The following PSMB1 variants were observed in gnomAD, a reference collection of about 807,000 sequenced individuals.
PSMB1 encodes proteasome 20S subunit beta 1, also known as proteasome subunit beta type-1.
Under a neutral mutation model 25.4 loss-of-function variants are expected in PSMB1, and 7 were observed. The ratio of observed to expected loss-of-function variants is 0.28; its 90% CI spans 0.16 to 0.52. The LOEUF (loss-of-function observed/expected upper bound fraction) is 0.52. Ranked by LOEUF, PSMB1 falls within the 20% of genes least tolerant of loss-of-function variation. PSMB1 has a pLI of 0.97. For missense variants in PSMB1, 284 were observed against 302.2 expected (o/e 0.94, Z 0.45); for synonymous variants, 119 against 115.0 (o/e 1.03, Z -0.22).
At chr6:170,548,976 T>C (rs368712794) in intron 2 of PSMB1, 30 bp downstream of exon 2, 9 of 1,460,344 alleles carry the variant, frequency 6.2e-6, no homozygotes, top group African/African-American at 1.4e-5. Context: ...ACAAAGGCAT[T>C]GTGAAATGTC....
intron 4 of PSMB1, among the ~76,000 whole-genome samples, chr6:170,537,829 A>T (rs1332427325): frequency 2.6e-5 from 4 of 152,294 alleles, no homozygotes; most frequent in Admixed American, 6.5e-5. Flanking sequence ...AGAGATGGTG[A>T]GGTTTCTGTA....
rs1378150703 is a variant in PSMB1, at chr6:170,543,569, C to T, written c.433+32G>A. The T allele has an allele frequency of 1.9e-6, 3 of 1,572,248 alleles. No individual in the cohort carries two copies. The African/African-American group carries it at 4.1e-5, about 21-fold the overall frequency. On this transcript the variant is annotated intron_variant, in intron 4 of 5. Transcript: ENST00000262193. ...CATCTAGGGAATAATAACTCCTCCC[C>T]CCCACCATTTTCCAGAAAGAAGGAA...
chr6:170,536,884 A>G (rs145094543), intron 5 of PSMB1, among the ~76,000 whole-genome samples: 379 of 152,312 alleles, frequency 2.5e-3, no homozygotes, highest in Admixed American at 5.1e-3. Flanking sequence ...AGTATTGGGT[A>G]ACACAGAAAG....
chr6:170,549,293 A>G (rs1437504607), intron 1 of PSMB1, 180 bp from the exon 2 acceptor site: 6 of 468,004 alleles, frequency 1.3e-5, no homozygotes, highest in South Asian at 7.2e-5. Flanking sequence ...GTTGTCTGGG[A>G]AAAAAAAATT....
At chr6:170,542,900 T>A (rs554914253) in intron 4 of PSMB1, among the ~76,000 whole-genome samples, 1 of 152,226 alleles carries the variant, frequency 6.6e-6, no homozygotes, top group Non-Finnish European at 1.5e-5. Context: ...CTTATCCATC[T>A]GTGTCAATGG....
At chr6:170,541,418 TG>T (rs1778757759) in intron 4 of PSMB1, among the ~76,000 whole-genome samples, 1 of 152,180 alleles carries the variant, frequency 6.6e-6, no homozygotes, top group Non-Finnish European at 1.5e-5. Flanking sequence ...TAAAGGTCTA[TG>T]TTACCAAAAG....
Position 170,543,565 on chromosome 6 carries a change from TC to T in PSMB1, c.433+35del, listed in dbSNP as rs60508978. 0.012 allele frequency: 19,043 copies of T among 1,561,596 alleles called. 1,654 individuals are homozygous for T. In the African/African-American group the frequency reaches 0.21, roughly 17 times the overall value. ...CACACATCTAGGGAATAATAACTCCTCCCCCCCACCATTTTCCAGAAAGAAG... is the reference window on the plus strand; with the variant it reads ...CACACATCTAGGGAATAATAACTCCTCCCCCCACCATTTTCCAGAAAGAAG... On this transcript the variant is annotated intron_variant, in intron 4 of 5. Coordinates refer to ENST00000262193, the MANE Select transcript of PSMB1 (RefSeq NM_002793.4).
At chr6:170,545,397 T>A (rs988567209) in intron 3 of PSMB1, among the ~76,000 whole-genome samples, 3 of 152,166 alleles carry the variant, frequency 2.0e-5, no homozygotes, top group African/African-American at 7.2e-5. Flanking sequence ...TCAATGTAAG[T>A]TTCTAAAAAA....
chr6:170,543,236 A>G (rs1022520), intron 4 of PSMB1, among the ~76,000 whole-genome samples: 3,836 of 152,292 alleles, frequency 0.025, 163 homozygotes, highest in African/African-American at 0.087. Flanking sequence ...AGAACCGTTA[A>G]AGAACTTTTT....
At chr6:170,546,750 C>G (rs1322889350) in intron 2 of PSMB1, among the ~76,000 whole-genome samples, 2 of 152,168 alleles carry the variant, frequency 1.3e-5, no homozygotes, top group African/African-American at 4.8e-5. Flanking sequence ...CAGGTGTGAA[C>G]CACTGCACCC....
At chr6:170,541,857 A>C (rs1778762337) in intron 4 of PSMB1, among the ~76,000 whole-genome samples, 1 of 152,320 alleles carries the variant, frequency 6.6e-6, no homozygotes, top group South Asian at 2.1e-4. Context: ...CAGCTTTCCC[A>C]GATTAGACTC....
intron 4 of PSMB1, 97 bp downstream of exon 4, chr6:170,543,504 A>G: frequency 1.7e-6 from 2 of 1,181,398 alleles, no homozygotes; most frequent in Non-Finnish European, 2.3e-6. Context: ...ATTGTGTCAG[A>G]TGGTATTTAT....
chr6:170,548,954 C>T (rs1032320415), intron 2 of PSMB1, 52 bp downstream of exon 2: 15 of 1,319,540 alleles, frequency 1.1e-5, no homozygotes, highest in Admixed American at 8.7e-5. Flanking sequence ...ACTCTCACAA[C>T]ATCAAATCAT....
Position 170,535,200 on chromosome 6 carries a change from T to C in PSMB1, c.*20A>G. 6.2e-7 allele frequency: 1 copy of C among 1,609,850 alleles called. No individual in the cohort carries two copies. Among genetic ancestry groups the C allele is most frequent in the East Asian group, 2.2e-5 (1 of 44,854 alleles). On this transcript the variant is annotated 3_prime_UTR_variant, in exon 6 of 6. Coordinates refer to ENST00000262193, the MANE Select transcript of PSMB1 (RefSeq NM_002793.4). ...CAAAATCAACCAGGTCTGAACTGAT[T>C]GGTGATAAGAGCACACAGATCAGTC... is the stretch of plus-strand genomic sequence containing the variant.
rs1778856933 is a variant in PSMB1 at position 170,548,898 on chromosome 6, C to T, written c.221+108G>A. ...AATGGTTTTCTAATAAAAATGCTCC[C>T]AACAGCAACTTAAAAACTCATGAAA... On this transcript the variant is annotated intron_variant, in intron 2 of 5. Coordinates refer to ENST00000262193, the MANE Select transcript of PSMB1 (RefSeq NM_002793.4). 5 of 804,216 alleles carry T rather than the reference C, an allele frequency of 6.2e-6. No homozygotes were observed. In the Admixed American group the frequency reaches 1.3e-4, roughly 21 times the overall value. The allele number at this position is 804,216 out of a possible 1,614,324, so 49.8% of individuals were successfully genotyped here. A position where few individuals can be genotyped will look rare whatever the true frequency, so the allele number is the denominator to read the frequency against.
chr6:170,553,156 T>C lies in PSMB1; in HGVS notation c.87A>G (p.Arg29=), dbSNP rs1430825823. The stretch of plus-strand genomic sequence containing the variant: ...CTCCGTTGAAAACGTAGGGCGAAAA[T>C]CGCAGCTGCAAAGGGCCCGCGGCTC... ...PHRAAGPLQL[R]FSPYVFNGGT... is the part of the protein sequence containing the mutation. Residue 29 remains arginine (R), a synonymous_variant, in exon 1 of 6, where the codon CGA becomes CGG. Transcript: ENST00000262193. 1 of 1,613,292 alleles carries C rather than the reference T, an allele frequency of 6.2e-7. No homozygotes were observed. The highest frequency in any genetic ancestry group is 8.5e-7 in the Non-Finnish European group (1 of 1,179,700).
intron 2 of PSMB1, among the ~76,000 whole-genome samples, chr6:170,548,598 G>A (rs1157127210): frequency 6.6e-6 from 1 of 152,130 alleles, no homozygotes. Flanking sequence ...AACTCATGTT[G>A]AAATTTAATT....
At chr6:170,546,656 G>C (rs1170075885) in intron 2 of PSMB1, among the ~76,000 whole-genome samples, 5 of 152,064 alleles carry the variant, frequency 3.3e-5, no homozygotes, top group Admixed American at 2.6e-4. Flanking sequence ...AGTACAGATG[G>C]GGTTTCACCA....
chr6:170,548,800 A>G (rs543410043), intron 2 of PSMB1, among the ~76,000 whole-genome samples: 147 of 152,292 alleles, frequency 9.7e-4, no homozygotes, highest in Non-Finnish European at 1.8e-3. Flanking sequence ...TACCGAAAGC[A>G]CTTTTGGTAC....
Sources: allele counts gnomAD v4.1 joint callset (sites outside exome capture counted in the v4.1 genomes callset), GRCh38; gene constraint gnomAD v4.1.1; transcripts MANE v1.5; gene names NCBI Gene and HGNC (gene_info 2026-07-23, HGNC 2026-07-21).